The following ZNF804B variants were observed in gnomAD, a reference collection of about 807,000 sequenced individuals.
ZNF804B encodes the protein zinc finger 804B.
Under a neutral mutation model 101.4 loss-of-function variants are expected in ZNF804B, and 80 were observed. The ratio of observed to expected loss-of-function variants is 0.79; its 90% CI spans 0.66 to 0.95. The LOEUF (loss-of-function observed/expected upper bound fraction) is 0.95, where lower values mean the gene tolerates loss of function less well. Ranked by LOEUF, ZNF804B falls within the 40% of genes least tolerant of loss-of-function variation. The pLI, the probability that ZNF804B is intolerant of heterozygous loss-of-function variation, is 0.00. For missense variants in ZNF804B, 1,673 were observed against 1,561.9 expected (o/e 1.07, Z -1.20); for synonymous variants, 622 against 558.8 (o/e 1.11, Z -1.59).
intron 1 of ZNF804B, among the ~76,000 whole-genome samples, chr7:89,171,670 A>G (rs1232458915): frequency 1.3e-5 from 2 of 151,956 alleles, no homozygotes; most frequent in African/African-American, 4.8e-5. Flanking sequence ...CCTGACCTCA[A>G]GTGATCCGCC....
At chr7:89,208,294 G>T (rs1267472042) in intron 1 of ZNF804B, among the ~76,000 whole-genome samples, 1 of 152,092 alleles carries the variant, frequency 6.6e-6, no homozygotes, top group East Asian at 1.9e-4. Flanking sequence ...ATGTTAGCCA[G>T]GATGGTCTCA....
At chr7:89,220,031 A>G (rs549224055) in intron 2 of ZNF804B, among the ~76,000 whole-genome samples, 4,917 of 109,434 alleles carry the variant, frequency 0.045, 1,707 homozygotes, top group African/African-American at 0.054. Flanking sequence ...ACATATATAT[A>G]CGCACATATA....
intron 1 of ZNF804B, among the ~76,000 whole-genome samples, chr7:89,004,076 G>T (rs1554353692): frequency 6.9e-6 from 1 of 145,352 alleles, no homozygotes. Context: ...AAAAAAAAGG[G>T]AAATTACAGC....
intron 2 of ZNF804B, among the ~76,000 whole-genome samples, chr7:89,225,187 G>A (rs553458724): frequency 1.3e-5 from 2 of 152,040 alleles, no homozygotes; most frequent in Non-Finnish European, 2.9e-5. Flanking sequence ...GCCACTATCA[G>A]TGGGGGTGTA....
At chr7:89,166,122 C>T (rs6465185) in intron 1 of ZNF804B, among the ~76,000 whole-genome samples, 107,264 of 151,966 alleles carry the variant, frequency 0.71, 38,935 homozygotes, top group African/African-American at 0.87. Context: ...AAATGCAATG[C>T]CTTCAAGTTA....
intron 1 of ZNF804B, among the ~76,000 whole-genome samples, chr7:89,201,050 C>T (rs1055672307): frequency 6.6e-6 from 1 of 151,970 alleles, no homozygotes. Context: ...TTAGGGAAAG[C>T]TTCATCGTAT....
intron 2 of ZNF804B, among the ~76,000 whole-genome samples, chr7:89,240,334 A>C (rs1789348101): frequency 6.6e-6 from 1 of 152,190 alleles, no homozygotes; most frequent in South Asian, 2.1e-4. Flanking sequence ...GGCTATGTCT[A>C]TCAGATTCCC....
intron 1 of ZNF804B, among the ~76,000 whole-genome samples, chr7:88,870,142 T>G (rs1399580279): frequency 6.6e-6 from 1 of 150,788 alleles, no homozygotes; most frequent in Non-Finnish European, 1.5e-5. Context: ...ATCCCAGCAC[T>G]TTGGGAGGCC....
At chr7:89,036,367 A>C (rs561220323) in intron 1 of ZNF804B, among the ~76,000 whole-genome samples, 1 of 151,994 alleles carries the variant, frequency 6.6e-6, no homozygotes, top group South Asian at 2.1e-4. Flanking sequence ...AAAATGCTTA[A>C]TATTAATGAA....
chr7:89,202,918 T>A (rs1788665597), intron 1 of ZNF804B, among the ~76,000 whole-genome samples: 1 of 152,140 alleles, frequency 6.6e-6, no homozygotes, highest in African/African-American at 2.4e-5. Context: ...TCTATTCGTA[T>A]TGTAGCTACA....
chr7:89,144,814 A>G (rs1354260507), intron 1 of ZNF804B, among the ~76,000 whole-genome samples: 2 of 152,064 alleles, frequency 1.3e-5, no homozygotes, highest in East Asian at 1.9e-4. Context: ...AATATATACA[A>G]TTATTATTTG....
chr7:89,071,087 A>G (rs144356822), intron 1 of ZNF804B, among the ~76,000 whole-genome samples: 25 of 152,262 alleles, frequency 1.6e-4, no homozygotes, highest in African/African-American at 5.5e-4. Context: ...TCATACTAAT[A>G]CTATGTACAT....
rs114064374 is a variant in ZNF804B at position 88,782,908 on chromosome 7, T to G, written c.108+22824T>G. On this transcript the variant is annotated intron_variant, in intron 1 of 3. Transcript: ENST00000333190. The stretch of plus-strand genomic sequence containing the variant: ...TACAAGAGGACTCTTGGGGGAAGCA[T>G]CATACTTATTTCAACTTAATATTAT... 5.8e-4 allele frequency among the ~76,000 whole-genome samples: 89 copies of G among 152,228 alleles called. 1 individual carries two copies. Among genetic ancestry groups the G allele is most frequent in the African/African-American group, 2.0e-3 (84 of 41,532 alleles).
At chr7:88,853,202 A>C (rs1023155831) in intron 1 of ZNF804B, among the ~76,000 whole-genome samples, 4 of 152,180 alleles carry the variant, frequency 2.6e-5, no homozygotes, top group African/African-American at 9.7e-5. Context: ...GGCATTAAAA[A>C]GTCAGTCTTT....
chr7:89,261,843 A>C (rs890717876), intron 2 of ZNF804B, among the ~76,000 whole-genome samples: 10 of 152,184 alleles, frequency 6.6e-5, no homozygotes, highest in Admixed American at 2.6e-4. Flanking sequence ...TGCAGTGTGC[A>C]TCAACTGAAA....
At chr7:89,254,847 T>G (rs1229578604) in intron 2 of ZNF804B, among the ~76,000 whole-genome samples, 1 of 152,048 alleles carries the variant, frequency 6.6e-6, no homozygotes, top group Non-Finnish European at 1.5e-5. Flanking sequence ...GGTTTCACCA[T>G]GTTGGCCAAG....
chr7:88,877,375 G>A (rs1460757703), intron 1 of ZNF804B, among the ~76,000 whole-genome samples: 9 of 151,864 alleles, frequency 5.9e-5, no homozygotes. Flanking sequence ...GAATTAGAAA[G>A]AAGCAATTTG....
intron 1 of ZNF804B, among the ~76,000 whole-genome samples, chr7:88,845,355 C>T (rs1022569618): frequency 6.6e-6 from 1 of 151,828 alleles, no homozygotes; most frequent in African/African-American, 2.4e-5. Context: ...TATGCCACCT[C>T]TTGTCCACCT....
intron 1 of ZNF804B, among the ~76,000 whole-genome samples, chr7:89,179,976 C>T (rs887238977): frequency 6.6e-6 from 1 of 152,130 alleles, no homozygotes; most frequent in African/African-American, 2.4e-5. Flanking sequence ...GTCTCTTGTC[C>T]TCTTCCCTTA....
Sources: allele counts gnomAD v4.1 joint callset (sites outside exome capture counted in the v4.1 genomes callset), GRCh38; gene constraint gnomAD v4.1.1; transcripts MANE v1.5; gene names NCBI Gene and HGNC (gene_info 2026-07-23, HGNC 2026-07-21).